NXPE3: variants seen among roughly 807,000 people sequenced by gnomAD.
NXPE3 encodes the protein neurexophilin and PC-esterase domain family member 3, also known as NXPE family member 3.
In NXPE3, 26 loss-of-function variants were observed where a neutral mutation model predicts 46.1. The ratio of observed to expected loss-of-function variants is 0.56; its 90% CI spans 0.41 to 0.78. The LOEUF is 0.78. NXPE3 is among the 30% of genes least tolerant of loss of function. NXPE3 has a pLI of 0.00. For synonymous variants in NXPE3, 272 were observed against 257.9 expected, an observed-to-expected ratio of 1.05 and a Z score of -0.52; for missense variants, 620 against 686.0, an observed-to-expected ratio of 0.90 and a Z score of 1.07.
chr3:101,810,982 G>A (rs1371391806), intron 6 of NXPE3, among the ~76,000 whole-genome samples: 1 of 151,988 alleles, frequency 6.6e-6, no homozygotes, highest in Non-Finnish European at 1.5e-5. Flanking sequence ...GCCACACCTG[G>A]CTAATTTTTC....
chr3:101,801,889 T>A lies in NXPE3; in HGVS notation c.748T>A (p.Phe250Ile). 6.2e-7 allele frequency: 1 copy of A among 1,614,188 alleles called. No homozygotes were observed. ...DLYTGEPWFC[F>I]KPKKLPCSSR... is the part of the protein sequence containing the mutation. ...CTACACTGGGGAGCCCTGGTTCTGC[T>A]TCAAACCAAAGAAGCTCCCTTGCAG... is the stretch of plus-strand genomic sequence containing the variant. Residue 250 changes from phenylalanine to isoleucine, a missense_variant, in exon 5 of 8, where the codon TTC (phenylalanine) becomes ATC (isoleucine). Coordinates refer to ENST00000273347, the MANE Select transcript of NXPE3 (RefSeq NM_145037.4).
intron 5 of NXPE3, among the ~76,000 whole-genome samples, chr3:101,803,506 C>G (rs945536753): frequency 6.6e-6 from 1 of 152,178 alleles, no homozygotes; most frequent in African/African-American, 2.4e-5. Context: ...TCATTTTATT[C>G]GTGGGTTCAG....
intron 4 of NXPE3, among the ~76,000 whole-genome samples, chr3:101,786,917 T>TA (rs1237758431): frequency 1.3e-5 from 2 of 152,074 alleles, no homozygotes; most frequent in Non-Finnish European, 2.9e-5. Context: ...TGCAGCTCTT[T>TA]ACCCATTAAA....
intron 4 of NXPE3, among the ~76,000 whole-genome samples, chr3:101,790,069 A>G (rs1393136119): frequency 6.6e-6 from 1 of 152,178 alleles, no homozygotes; most frequent in East Asian, 1.9e-4. Context: ...TTGATTCCTC[A>G]TTTAATTCCC....
intron 5 of NXPE3, among the ~76,000 whole-genome samples, chr3:101,803,074 A>G (rs1211248914): frequency 6.6e-6 from 1 of 152,134 alleles, no homozygotes; most frequent in South Asian, 2.1e-4. Context: ...GAATGTATAC[A>G]TGTTTTTTAC....
At chr3:101,813,943 T>TA (rs1313203344) in intron 6 of NXPE3, among the ~76,000 whole-genome samples, 1 of 152,208 alleles carries the variant, frequency 6.6e-6, no homozygotes, top group Non-Finnish European at 1.5e-5. Flanking sequence ...GCATTTCATT[T>TA]AAAAAATATG....
intron 6 of NXPE3, among the ~76,000 whole-genome samples, chr3:101,813,353 C>T (rs543056764): frequency 3.7e-4 from 56 of 152,290 alleles, no homozygotes; most frequent in African/African-American, 1.3e-3. Flanking sequence ...CGCAGCCCTC[C>T]CTGCCCCGCC....
chr3:101,783,778 A>G (rs535685362), intron 3 of NXPE3, among the ~76,000 whole-genome samples: 1 of 151,704 alleles, frequency 6.6e-6, no homozygotes, highest in East Asian at 1.9e-4. Context: ...TTTTTTTTTT[A>G]TGGACAACTT....
intron 4 of NXPE3, among the ~76,000 whole-genome samples, chr3:101,789,818 G>C (rs1269002940): frequency 6.6e-6 from 1 of 151,960 alleles, no homozygotes; most frequent in African/African-American, 2.4e-5. Flanking sequence ...CCCCTCCCAA[G>C]TAACTGGGAC....
intron 4 of NXPE3, among the ~76,000 whole-genome samples, chr3:101,798,902 G>A (rs1940992245): frequency 6.6e-6 from 1 of 152,064 alleles, no homozygotes; most frequent in Non-Finnish European, 1.5e-5. Flanking sequence ...TTACAGGCGT[G>A]AGCCACTGTG....
At chr3:101,790,026 A>G (rs946251478) in intron 4 of NXPE3, among the ~76,000 whole-genome samples, 1 of 152,222 alleles carries the variant, frequency 6.6e-6, no homozygotes, top group African/African-American at 2.4e-5. Flanking sequence ...TAACTTTCAA[A>G]TATTTAGATA....
chr3:101,816,459 C>T (rs971591671), intron 6 of NXPE3, among the ~76,000 whole-genome samples: 2 of 151,892 alleles, frequency 1.3e-5, no homozygotes, highest in Non-Finnish European at 2.9e-5. Context: ...GTGTGATGTT[C>T]CTCTCCCTGT....
chr3:101,816,038 C>A (rs778348911), intron 6 of NXPE3, among the ~76,000 whole-genome samples: 2 of 151,486 alleles, frequency 1.3e-5, no homozygotes, highest in Non-Finnish European at 2.9e-5. Context: ...GTAATGCGTG[C>A]CTGTAATCCC....
At chr3:101,800,287 A>G (rs1199109652) in intron 4 of NXPE3, among the ~76,000 whole-genome samples, 1 of 152,002 alleles carries the variant, frequency 6.6e-6, no homozygotes, top group Non-Finnish European at 1.5e-5. Flanking sequence ...ATATTTTTAA[A>G]TTTCTCATGA....
intron 4 of NXPE3, among the ~76,000 whole-genome samples, chr3:101,795,671 T>C (rs965462129): frequency 6.6e-6 from 1 of 152,180 alleles, no homozygotes; most frequent in African/African-American, 2.4e-5. Flanking sequence ...TTCATTGATA[T>C]TTTAGATATG....
rs778173816 is a variant in NXPE3, at chr3:101,821,688, G to T, written c.1414G>T (p.Asp472Tyr). 1 of 1,614,078 alleles carries T rather than the reference G, an allele frequency of 6.2e-7. No individual in the cohort carries two copies. Among genetic ancestry groups the T allele is most frequent in the Non-Finnish European group, 8.5e-7 (1 of 1,180,052 alleles). The change falls in exon 8 of 8, where the codon GAT becomes TAT. Residue 472 changes from aspartate to tyrosine, a missense_variant. Around this residue, in one of 3 missense-constraint regions of NXPE3, gnomAD observed 75 missense variants for 121.1 expected, o/e 0.62. Transcript: ENST00000273347. Reference protein sequence around the residue: ...NIRRAVVRLLDRSPKTVVVIR... With the variant: ...NIRRAVVRLLYRSPKTVVVIR... ...CCGTCGAGCAGTGGTTCGGCTCCTC[G>T]ATCGAAGCCCAAAGACCGTGGTGGT...
intron 5 of NXPE3, among the ~76,000 whole-genome samples, chr3:101,804,695 T>TC (rs1308455776): frequency 6.6e-6 from 1 of 152,214 alleles, no homozygotes; most frequent in Non-Finnish European, 1.5e-5. Context: ...CTCATAACCT[T>TC]ACTTAAACCA....
intron 4 of NXPE3, among the ~76,000 whole-genome samples, chr3:101,794,066 T>TCTGATGC (rs1399052973): frequency 6.6e-6 from 1 of 152,008 alleles, no homozygotes; most frequent in Non-Finnish European, 1.5e-5. Context: ...TGTTTTATTG[T>TCTGATGC]CTGATGCCTA....
chr3:101,796,434 A>G (rs900817652), intron 4 of NXPE3, among the ~76,000 whole-genome samples: 1 of 152,258 alleles, frequency 6.6e-6, no homozygotes, highest in Non-Finnish European at 1.5e-5. Context: ...CAGGGGAATT[A>G]CCACCAAATG....
Sources: gnomAD v4.1 joint callset for allele counts (sites outside exome capture counted in the v4.1 genomes callset) on GRCh38, gnomAD v4.1.1 for gene constraint, gnomAD v4.1.1 regional missense constraint, MANE v1.5 for transcripts, NCBI Gene and HGNC (gene_info 2026-07-23, HGNC 2026-07-21) for gene names.